The following DOHH variants were observed in gnomAD, a reference collection of about 807,000 sequenced individuals.
DOHH encodes the protein HEAT-like (PBS lyase) repeat containing 1.
DOHH carries 16 observed loss-of-function variants against 19.9 expected under a neutral mutation model. The ratio of observed to expected loss-of-function variants is 0.80; its 90% CI spans 0.54 to 1.22. The LOEUF is 1.22. Among genes scored for constraint, DOHH ranks in the 50% most tolerant of loss-of-function variants. The pLI, the probability that DOHH is intolerant of heterozygous loss-of-function variation, is 0.00. For synonymous variants in DOHH, 233 were observed against 217.0 expected, an observed-to-expected ratio of 1.07 and a Z score of -0.65; for missense variants, 460 against 460.6, an observed-to-expected ratio of 1.00 and a Z score of 0.01.
intron 3 of DOHH, among the ~76,000 whole-genome samples, chr19:3,493,610 C>CA (rs577983387): frequency 0.078 from 10,901 of 139,416 alleles, 848 homozygotes; most frequent in African/African-American, 0.2. Context: ...GACACCGTCT[C>CA]AAAAAAAAAA....
chr19:3,491,505 C>A lies in DOHH; in HGVS notation c.896G>T (p.Gly299Val). The change falls in exon 5 of 5, where the codon GGG becomes GTG. Residue 299 changes from glycine (G) to valine (V), a missense_variant. Coordinates refer to ENST00000427575, the MANE Select transcript of DOHH (RefSeq NM_001145165.2). The surrounding 1 kb of genome is among the most constrained non-coding windows in gnomAD (Gnocchi z 5.6). ...QYADGLEQLR[G>V]APS Reference sequence around the variant, plus strand: ...GAGGGTGGGGCCCTAGGAGGGGGCCCCGCGCAGCTGCTCCAGGCCGTCCGC... The same window carrying A: ...GAGGGTGGGGCCCTAGGAGGGGGCCACGCGCAGCTGCTCCAGGCCGTCCGC... 6.5e-7 allele frequency: 1 copy of A among 1,534,246 alleles called. No homozygotes were observed. Among genetic ancestry groups the A allele is most frequent in the South Asian group, 1.2e-5 (1 of 83,924 alleles).
At chr19:3,497,110 T>C (rs1368980511) in intron 1 of DOHH, among the ~76,000 whole-genome samples, 1 of 152,152 alleles carries the variant, frequency 6.6e-6, no homozygotes, top group Non-Finnish European at 1.5e-5. Context: ...CTATCAGAAA[T>C]GACCTCCACT....
intron 1 of DOHH, among the ~76,000 whole-genome samples, chr19:3,498,391 A>G (rs945735513): frequency 6.6e-6 from 1 of 152,094 alleles, no homozygotes; most frequent in Non-Finnish European, 1.5e-5. Flanking sequence ...GCCTTAAGGC[A>G]TGACAAGATA....
chr19:3,499,721 G>A (rs1179191771), intron 1 of DOHH, among the ~76,000 whole-genome samples: 3 of 152,186 alleles, frequency 2.0e-5, no homozygotes, highest in Non-Finnish European at 2.9e-5. Flanking sequence ...GCAGTGAGCC[G>A]AGATCGTGCC....
chr19:3,491,551 T>C lies in DOHH; in HGVS notation c.850A>G (p.Thr284Ala), dbSNP rs2082869579. ...TCCGCGTACTGGAAGGCCCGCCCGG[T>C]CTCGTGCTCATACATGTCCAGAGCC... ...EVALDMYEHE[T>A]GRAFQYADGL... The change falls in exon 5 of 5, where the codon ACC becomes GCC. Residue 284 changes from threonine (T) to alanine (A), a missense_variant. Physicochemically the swap from Thr to Ala is moderately conservative, Grantham distance 58 (BLOSUM62 0). Coordinates refer to ENST00000427575, the MANE Select transcript of DOHH (RefSeq NM_001145165.2). The surrounding 1 kb of genome is among the most constrained non-coding windows in gnomAD (Gnocchi z 5.6). 6.5e-7 allele frequency: 1 copy of C among 1,535,666 alleles called. No individual in the cohort carries two copies. The highest frequency in any genetic ancestry group is 1.2e-5 in the South Asian group (1 of 84,066).
rs943078444 is a variant in DOHH, at chr19:3,492,272, C to T, written c.579G>A (p.Ala193=). The T allele has an allele frequency of 6.8e-7, 1 of 1,475,208 alleles. No homozygotes were observed. The allele number at this position is 1,475,208 out of a possible 1,614,324, so 91.4% of individuals were successfully genotyped here. A position where few individuals can be genotyped will look rare whatever the true frequency, so the allele number is the denominator to read the frequency against. Residue 193 remains alanine (A), a synonymous_variant, in exon 4 of 5, where the codon GCG becomes GCA. Transcript: ENST00000427575. ...RNAGGEEAAL[A]LAEGLHCGSA... Reference sequence around the variant, plus strand: ...GAAGCCCCTCCTCACCCTCGGCCAGCGCCAGGGCGGCCTCCTCGCCTCCCG... The same window carrying T: ...GAAGCCCCTCCTCACCCTCGGCCAGTGCCAGGGCGGCCTCCTCGCCTCCCG...
chr19:3,494,962 C>T (rs1466048898), intron 2 of DOHH, among the ~76,000 whole-genome samples: 1 of 150,912 alleles, frequency 6.6e-6, no homozygotes, highest in Admixed American at 6.7e-5. Context: ...GTCTAGGTCC[C>T]TCGCTACAAC....
intron 1 of DOHH, among the ~76,000 whole-genome samples, chr19:3,497,591 G>A (rs568882211): frequency 3.9e-5 from 6 of 152,276 alleles, no homozygotes; most frequent in East Asian, 1.9e-4. Flanking sequence ...AACTGTGTGC[G>A]ACACTGTTTA....
chr19:3,494,550 C>G (rs150990708), intron 2 of DOHH, among the ~76,000 whole-genome samples: 1 of 152,212 alleles, frequency 6.6e-6, no homozygotes, highest in Non-Finnish European at 1.5e-5. Flanking sequence ...CCGGGCCTGC[C>G]GGCTGGAGAC....
chr19:3,493,975 A>G, intron 3 of DOHH, 53 bp downstream of exon 3: 2 of 1,561,728 alleles, frequency 1.3e-6, no homozygotes, highest in Non-Finnish European at 1.8e-6. Flanking sequence ...AGGGCTGGGC[A>G]GGGCTTCCCA....
At chr19:3,493,957 G>A in intron 3 of DOHH, 71 bp downstream of exon 3, 1 of 1,459,182 alleles carries the variant, frequency 6.9e-7, no homozygotes, top group South Asian at 1.2e-5. Context: ...CCAGGTCAGG[G>A]CTGGGGCAGG....
At chr19:3,493,023 A>T (rs1599758811) in intron 3 of DOHH, among the ~76,000 whole-genome samples, 1 of 131,412 alleles carries the variant, frequency 7.6e-6, no homozygotes, top group African/African-American at 4.5e-5. Context: ...AAGAAGTGGC[A>T]GGGGAGAAAG....
chr19:3,496,964 C>A lies in DOHH; in HGVS notation c.-72-78G>T. 1 of 1,056,002 alleles carries A rather than the reference C, an allele frequency of 9.5e-7. No homozygotes were observed. Among genetic ancestry groups the A allele is most frequent in the Non-Finnish European group, 1.2e-6 (1 of 808,752 alleles). 65.4% of individuals were successfully genotyped at this position (1,056,002 alleles called of 1,614,324 possible). A position where few individuals can be genotyped will look rare whatever the true frequency, so the allele number is the denominator to read the frequency against. On this transcript the variant is annotated intron_variant, in intron 1 of 4. Transcript: ENST00000427575. This position sits in a 1 kb window ranked among gnomAD's most constrained non-coding sequence, Gnocchi z 4.8. ...GTCTGTTCCTAGGACCTGGGTGGGG[C>A]AAATTCCTACCCACTGACCAACCTG...
chr19:3,491,685 C>T lies in DOHH; in HGVS notation c.716G>A (p.Arg239Gln), dbSNP rs1017848795. 23 of 1,532,638 alleles carry T rather than the reference C, an allele frequency of 1.5e-5. No individual in the cohort carries two copies. The highest frequency in any genetic ancestry group is 1.9e-5 in the Non-Finnish European group (22 of 1,142,700). 94.9% of individuals were successfully genotyped at this position (1,532,638 alleles called of 1,614,324 possible). ...LARCTENPMV[R>Q]HECAEALGAI... ...GCCCAGGGCCTCCGCGCACTCGTGC[C>T]GCACCATGGGGTTCTCGGTGCATCG... Residue 239 changes from arginine to glutamine, a missense_variant, in exon 5 of 5, where the codon CGG (arginine) becomes CAG (glutamine). Arg to Gln is a conservative substitution (Grantham distance 43). Transcript: ENST00000427575. The surrounding 1 kb of genome is among the most constrained non-coding windows in gnomAD (Gnocchi z 5.6).
chr19:3,493,924 G>T, intron 3 of DOHH, 104 bp downstream of exon 3: 1 of 1,089,288 alleles, frequency 9.2e-7, no homozygotes, highest in Non-Finnish European at 1.3e-6. Context: ...GGCAACCAGA[G>T]ATGGGGAGGG....
At chr19:3,498,105 C>T in intron 1 of DOHH, among the ~76,000 whole-genome samples, 1 of 152,152 alleles carries the variant, frequency 6.6e-6, no homozygotes, top group East Asian at 1.9e-4. Context: ...CTCTCTAGCT[C>T]CACTCCAGCC....
chr19:3,492,438 TC>T lies in DOHH; in HGVS notation c.412del (p.Glu138SerfsTer190). The T allele has an allele frequency of 6.8e-7, 1 of 1,479,670 alleles. No homozygotes were observed. Among genetic ancestry groups the T allele is most frequent in the African/African-American group, 1.4e-5 (1 of 69,584 alleles). 91.7% of individuals were successfully genotyped at this position (1,479,670 alleles called of 1,614,324 possible). ...GGAGAGGTAGGGTCCCGCCGCCGGC[TC>T]CCCGCCGTGCTGCTGCAGCCACTCC... ...RLEWLQQHGGEPAAGPYLSVD... is the reference protein window; with the variant it reads ...RLEWLQQHGGXPAAGPYLSVD... On this transcript the variant is annotated frameshift_variant, in exon 4 of 5. Coordinates refer to ENST00000427575, the MANE Select transcript of DOHH (RefSeq NM_001145165.2). LOFTEE classifies it high-confidence loss of function.
In DOHH at chr19:3,491,635, C is replaced by T. The variant is rs1468918929; in HGVS notation, c.766G>A (p.Ala256Thr). ...TCGTCCGCGTGAGCCTGCAGCGCGG[C>T]CAGGCAGGCGGGCCGGGCAATGGCG... Reference protein sequence around the residue: ...LGAIARPACLAALQAHADDPE... With the variant: ...LGAIARPACLTALQAHADDPE... Residue 256 changes from alanine (A) to threonine (T), a missense_variant, in exon 5 of 5, where the codon GCC becomes ACC. By Grantham distance (58) the Ala-to-Thr change is moderately conservative (BLOSUM62 0). Transcript: ENST00000427575. The surrounding 1 kb of genome is among the most constrained non-coding windows in gnomAD (Gnocchi z 5.6). The T allele has an allele frequency of 4.6e-6, 7 of 1,535,102 alleles. No homozygotes were observed. In the Admixed American group the frequency reaches 1.2e-4, roughly 26 times the overall value.
chr19:3,493,934 G>A (rs2082889035), intron 3 of DOHH, 94 bp downstream of exon 3: 2 of 1,231,008 alleles, frequency 1.6e-6, no homozygotes, highest in Non-Finnish European at 2.3e-6. Context: ...GATGGGGAGG[G>A]TCTGAGGCTG....
Sources: allele counts gnomAD v4.1 joint callset (sites outside exome capture counted in the v4.1 genomes callset), GRCh38; gene constraint gnomAD v4.1.1; non-coding constraint Gnocchi (gnomAD v3.1); transcripts MANE v1.5; gene names NCBI Gene and HGNC (gene_info 2026-07-23, HGNC 2026-07-21).